STK3: variants seen among roughly 807,000 people sequenced by gnomAD.
STK3 encodes serine/threonine-protein kinase 3.
Under a neutral mutation model 58.0 loss-of-function variants are expected in STK3, and 41 were observed. The ratio of observed to expected loss-of-function variants is 0.71; its 90% CI spans 0.55 to 0.92. The LOEUF (loss-of-function observed/expected upper bound fraction) is 0.92, where lower values mean the gene tolerates loss of function less well. Ranked by LOEUF, STK3 falls within the 40% of genes least tolerant of loss-of-function variation. STK3 has a pLI of 0.00. For missense variants in STK3, 479 were observed against 602.7 expected (o/e 0.79, Z 2.15); for synonymous variants, 170 against 191.0 (o/e 0.89, Z 0.91).
At chr8:98,603,685 G>C (rs1202580507) in intron 6 of STK3, among the ~76,000 whole-genome samples, 5 of 152,080 alleles carry the variant, frequency 3.3e-5, no homozygotes, top group African/African-American at 1.2e-4. Context: ...ATGGATACTT[G>C]AGTTTGGATA....
intron 1 of STK3, among the ~76,000 whole-genome samples, chr8:98,795,528 G>C (rs868342860): frequency 3.3e-5 from 5 of 152,074 alleles, no homozygotes; most frequent in Middle Eastern, 3.4e-3. Flanking sequence ...CACAGTACTG[G>C]AAGTCCTTGC....
intron 6 of STK3, among the ~76,000 whole-genome samples, chr8:98,661,414 T>C (rs574712704): frequency 6.6e-6 from 1 of 152,232 alleles, no homozygotes; most frequent in African/African-American, 2.4e-5. Context: ...CCTGTCCCTT[T>C]TTCTCTATCA....
At chr8:98,858,038 G>A (rs963127538) in intron 3 of STK3, among the ~76,000 whole-genome samples, 2 of 151,764 alleles carry the variant, frequency 1.3e-5, no homozygotes, top group African/African-American at 4.8e-5. Flanking sequence ...CCAATGGCTG[G>A]ATGTGCAAAT....
rs142969058 is a variant in STK3, at chr8:98,764,820, A to G, written c.236+2423T>C. The stretch of plus-strand genomic sequence containing the variant: ...ATACAAGTAAACAGGCACTTAAAAG[A>G]GAAACTCAGGTAAGAGACTGGAGGT... On this transcript the variant is annotated intron_variant, in intron 3 of 10. Transcript: ENST00000419617. Among the ~76,000 whole-genome samples, 1,024 of 152,226 alleles carry G rather than the reference A, an allele frequency of 6.7e-3. 8 individuals carry two copies. Among genetic ancestry groups the G allele is most frequent in the African/African-American group, 0.023 (960 of 41,554 alleles).
the STK3 span, among the ~76,000 whole-genome samples, chr8:98,357,989 G>T: frequency 6.6e-6 from 1 of 152,130 alleles, no homozygotes. Context: ...CTGAACTCCA[G>T]CATCAACAGA....
At chr8:98,692,983 ATTAAG>A (rs1171649809) in intron 6 of STK3, among the ~76,000 whole-genome samples, 4 of 152,194 alleles carry the variant, frequency 2.6e-5, no homozygotes, top group Non-Finnish European at 5.9e-5. Flanking sequence ...TGCAGATATA[ATTAAG>A]TTAAGAATCT....
chr8:98,811,203 A>G (rs754669337), intron 1 of STK3, among the ~76,000 whole-genome samples: 1 of 152,196 alleles, frequency 6.6e-6, no homozygotes, highest in Non-Finnish European at 1.5e-5. Flanking sequence ...AGCAGAAGAG[A>G]AAAAACTTCC....
At chr8:98,411,376 T>C (rs1818055454) in intron 3 of STK3, among the ~76,000 whole-genome samples, 1 of 152,212 alleles carries the variant, frequency 6.6e-6, no homozygotes, top group Non-Finnish European at 1.5e-5. Context: ...GGGAAACATA[T>C]TCACAGGAAA....
chr8:98,565,748 A>G (rs909455825), intron 8 of STK3, among the ~76,000 whole-genome samples: 4 of 152,180 alleles, frequency 2.6e-5, no homozygotes, highest in Non-Finnish European at 4.4e-5. Flanking sequence ...TTGTTAATAC[A>G]TACTCTTTAA....
At chr8:98,416,364 G>GTTTTTTTTTTTTTTTTTTTTTTTTAT (rs57447680) in intron 3 of STK3, among the ~76,000 whole-genome samples, 1 of 79,532 alleles carries the variant, frequency 1.3e-5, no homozygotes, top group African/African-American at 5.0e-5. Context: ...GTTTGAAACT[G>GTTTTTTTTTTTTTTTTTTTTTTTTAT]TTTTTTTTTT....
intron 1 of STK3, among the ~76,000 whole-genome samples, chr8:98,913,068 C>T (rs1839213449): frequency 6.6e-6 from 1 of 151,450 alleles, no homozygotes; most frequent in South Asian, 2.1e-4. Context: ...CCACTACACA[C>T]AGCCCATTTT....
rs1431812718 is a variant in STK3, at chr8:98,711,372, T to A, written c.352-4061A>T. Among the ~76,000 whole-genome samples the A allele has an allele frequency of 2.6e-5, 4 of 151,398 alleles. No individual in the cohort carries two copies. The East Asian group carries it at 7.7e-4, about 29-fold the overall frequency. ...AGAAGTACGAACCCAGGCAAAGAAG[T>A]TAAAAACCTTGAAAAAAAAATTAGA... is the stretch of plus-strand genomic sequence containing the variant. On this transcript the variant is annotated intron_variant, in intron 4 of 10. Coordinates refer to ENST00000419617, the MANE Select transcript of STK3 (RefSeq NM_006281.4).
intron 1 of STK3, among the ~76,000 whole-genome samples, chr8:98,916,171 T>G: frequency 6.6e-6 from 1 of 152,044 alleles, no homozygotes; most frequent in East Asian, 1.9e-4. Context: ...TCCCAGAAAT[T>G]TGGGAGACCG....
At chr8:98,397,876 C>G (rs1817909134), downstream of STK3, among the ~76,000 whole-genome samples, 1 of 152,166 alleles carries the variant, frequency 6.6e-6, no homozygotes, top group Non-Finnish European at 1.5e-5. Context: ...TGCCACCTTC[C>G]CCTCCACCTT....
At chr8:98,814,350 A>AC (rs1428074326) in intron 1 of STK3, among the ~76,000 whole-genome samples, 4 of 134,928 alleles carry the variant, frequency 3.0e-5, no homozygotes, top group Non-Finnish European at 4.8e-5. Context: ...CGCGCCCAGC[A>AC]TTTTTTTTTT....
intron 6 of STK3, among the ~76,000 whole-genome samples, chr8:98,647,957 CCT>C (rs1166575323): frequency 6.6e-6 from 1 of 152,182 alleles, no homozygotes; most frequent in Non-Finnish European, 1.5e-5. Flanking sequence ...TGCCTCAATG[CCT>C]TTTATTAATG....
At chr8:98,444,434 G>T (rs1449769567) in intron 1 of STK3, among the ~76,000 whole-genome samples, 1 of 152,170 alleles carries the variant, frequency 6.6e-6, no homozygotes. Context: ...GGGTGAGATC[G>T]ACTGAGGAGG....
chr8:98,862,976 A>G lies in STK3; in HGVS notation c.110+20671T>C, dbSNP rs562111114. Among the ~76,000 whole-genome samples the G allele has an allele frequency of 2.6e-5, 4 of 152,364 alleles. No homozygotes were observed. The East Asian group carries it at 7.7e-4, about 29-fold the overall frequency. On this transcript the variant is annotated intron_variant, in intron 3 of 12. Transcript: ENST00000523601. ...GCAAGGAGGCACTCCCAAACATACC[A>G]GACTCCTTGGAAATATGTTAAGTGG...
chr8:98,742,109 A>G (rs1295420738), intron 4 of STK3, among the ~76,000 whole-genome samples: 1 of 151,950 alleles, frequency 6.6e-6, no homozygotes, highest in Non-Finnish European at 1.5e-5. Flanking sequence ...AACCAAAAAG[A>G]GTCCAGGACC....
Sources: gnomAD v4.1 joint callset for allele counts (sites outside exome capture counted in the v4.1 genomes callset) on GRCh38, gnomAD v4.1.1 for gene constraint, MANE v1.5 for transcripts, NCBI Gene and HGNC (gene_info 2026-07-23, HGNC 2026-07-21) for gene names.